The following ARMC3 variants were observed in gnomAD, a reference collection of about 807,000 sequenced individuals.
The protein encoded by ARMC3 is armadillo repeat containing 3.
In ARMC3, 74 loss-of-function variants were observed where a neutral mutation model predicts 90.3. The ratio of observed to expected loss-of-function variants is 0.82; its 90% CI spans 0.68 to 0.99. ARMC3 has a LOEUF of 0.99. ARMC3 is among the 50% of genes least tolerant of loss of function. The pLI, the probability that ARMC3 is intolerant of heterozygous loss-of-function variation, is 0.00. For missense variants in ARMC3, 958 were observed against 1,042.8 expected, an observed-to-expected ratio of 0.92 and a Z score of 1.12; for synonymous variants, 334 against 361.8, an observed-to-expected ratio of 0.92 and a Z score of 0.87.
Position 23,037,985 on chromosome 10 carries a change from C to T in ARMC3, c.*506C>T, listed in dbSNP as rs1359399221. 6.6e-6 allele frequency: 1 copy of T among 152,210 alleles called. No individual in the cohort carries two copies. Among genetic ancestry groups the T allele is most frequent in the Non-Finnish European group, 1.5e-5 (1 of 68,068 alleles). 9.4% of individuals were successfully genotyped at this position (152,210 alleles called of 1,614,324 possible). ...AGATCTGAGTGTTACAAATTCCTTT[C>T]TAAAAATTTTTGTTTCTATTTTTAA... On this transcript the variant is annotated 3_prime_UTR_variant, in exon 19 of 19. Transcript: ENST00000298032.
intron 2 of ARMC3, among the ~76,000 whole-genome samples, chr10:22,940,567 G>A (rs915249528): frequency 1.3e-5 from 2 of 151,720 alleles, no homozygotes; most frequent in African/African-American, 2.4e-5. Context: ...GCTCACTGCA[G>A]CCTTGAACTC....
At chr10:22,978,111 C>T (rs1009981743) in intron 8 of ARMC3, among the ~76,000 whole-genome samples, 2 of 152,166 alleles carry the variant, frequency 1.3e-5, no homozygotes, top group Admixed American at 6.5e-5. Context: ...CCAGATCTAC[C>T]ATATCCACCT....
intron 7 of ARMC3, among the ~76,000 whole-genome samples, chr10:22,965,983 C>A (rs1165248087): frequency 1.3e-5 from 2 of 152,146 alleles, no homozygotes; most frequent in Non-Finnish European, 2.9e-5. Flanking sequence ...TTTTTTCTGA[C>A]TTTGAATCAC....
At chr10:23,025,101 A>C (rs1462646528) in intron 16 of ARMC3, among the ~76,000 whole-genome samples, 1 of 151,464 alleles carries the variant, frequency 6.6e-6, no homozygotes, top group African/African-American at 2.4e-5. Flanking sequence ...TAAATGAAGC[A>C]AAAAAAACCT....
chr10:22,997,496 CTATT>C (rs1308025853), intron 10 of ARMC3: 3 of 152,168 alleles, frequency 2.0e-5, no homozygotes, highest in Admixed American at 6.5e-5. Context: ...CTAAAATTAT[CTATT>C]TATATACATA....
intron 18 of ARMC3, 95 bp downstream of exon 18, chr10:23,033,118 TATTA>T (rs1757851395): frequency 8.4e-7 from 1 of 1,191,400 alleles, no homozygotes; most frequent in Non-Finnish European, 1.2e-6. Context: ...AACTGGATAT[TATTA>T]ATTCTACCAT....
chr10:22,950,385 TATGTGAAGTGGCA>T (rs1834699013), intron 3 of ARMC3, among the ~76,000 whole-genome samples: 1 of 152,140 alleles, frequency 6.6e-6, no homozygotes, highest in South Asian at 2.1e-4. Context: ...TAGGATCTCA[TATGTGAAGTGGCA>T]TAATACCACT....
intron 3 of ARMC3, among the ~76,000 whole-genome samples, chr10:22,949,292 G>A (rs1206933470): frequency 7.2e-5 from 11 of 151,884 alleles, no homozygotes; most frequent in Non-Finnish European, 1.0e-4. Context: ...CAGAAAAAAC[G>A]CATAATAAGA....
At chr10:23,006,588 T>C in intron 13 of ARMC3, 2 of 343,120 alleles carry the variant, frequency 5.8e-6, no homozygotes, top group Non-Finnish European at 5.5e-6. Flanking sequence ...CTTAGGTATA[T>C]AGATGGATTT....
At chr10:23,011,552 A>G (rs1838013561) in intron 16 of ARMC3, among the ~76,000 whole-genome samples, 1 of 152,222 alleles carries the variant, frequency 6.6e-6, no homozygotes, top group African/African-American at 2.4e-5. Context: ...AAAGGAATTC[A>G]GTGCAGGGAT....
At chr10:23,029,248 T>G (rs1305169868) in intron 16 of ARMC3, among the ~76,000 whole-genome samples, 1 of 152,206 alleles carries the variant, frequency 6.6e-6, no homozygotes, top group Non-Finnish European at 1.5e-5. Context: ...GTTACTGGGC[T>G]AAGTTTATTT....
At chr10:22,954,260 C>G (rs973924303) in intron 3 of ARMC3, among the ~76,000 whole-genome samples, 2 of 151,148 alleles carry the variant, frequency 1.3e-5, no homozygotes, top group African/African-American at 4.9e-5. Context: ...ATATACATCC[C>G]TTACTTCTGT....
chr10:23,020,129 G>GTTTTGTTTTGTT (rs1838449562), intron 16 of ARMC3, among the ~76,000 whole-genome samples: 2 of 151,466 alleles, frequency 1.3e-5, no homozygotes, highest in African/African-American at 2.4e-5. Flanking sequence ...GTTTTGTTTT[G>GTTTTGTTTTGTT]TTTTGTTTTG....
At chr10:22,985,241 G>A (rs371596231) in intron 10 of ARMC3, among the ~76,000 whole-genome samples, 1 of 151,950 alleles carries the variant, frequency 6.6e-6, no homozygotes, top group East Asian at 1.9e-4. Context: ...ACTTTGGTGG[G>A]GAAAGTTATG....
intron 2 of ARMC3, among the ~76,000 whole-genome samples, chr10:22,938,499 A>G (rs1195901169): frequency 6.6e-6 from 1 of 152,296 alleles, no homozygotes; most frequent in African/African-American, 2.4e-5. Context: ...AAATTGGAAG[A>G]CCAGCTTGGA....
rs375449942 is a variant in ARMC3 at position 22,981,403 on chromosome 10, C to T, written c.980C>T (p.Ser327Phe). 3.0e-5 allele frequency: 49 copies of T among 1,613,866 alleles called. No homozygotes were observed. The African/African-American group carries it at 5.7e-4, about 19-fold the overall frequency. ...VEKCLVALLG[S>F]ENDGTKIAAS... ...AAGTGCCTTGTAGCCCTTTTGGGTTCTGAAAATGATGGAACTAAAATTGCT... is the reference window on the plus strand; with the variant it reads ...AAGTGCCTTGTAGCCCTTTTGGGTTTTGAAAATGATGGAACTAAAATTGCT... Residue 327 changes from serine to phenylalanine, a missense_variant, in exon 9 of 19, where the codon TCT becomes TTT. Physicochemically the swap from Ser to Phe is radical, Grantham distance 155. Transcript: ENST00000298032.
At chr10:22,945,115 G>A (rs1412478129) in intron 2 of ARMC3, among the ~76,000 whole-genome samples, 6 of 152,160 alleles carry the variant, frequency 3.9e-5, no homozygotes, top group African/African-American at 9.7e-5. Flanking sequence ...TCAGGTCATT[G>A]TTTCTTGCTA....
At chr10:23,027,387 T>C (rs1838750589) in intron 16 of ARMC3, among the ~76,000 whole-genome samples, 1 of 152,218 alleles carries the variant, frequency 6.6e-6, no homozygotes. Flanking sequence ...TTTGGAGCAA[T>C]TGTAAATGCT....
At chr10:22,932,579 G>A (rs749028334) in intron 2 of ARMC3, among the ~76,000 whole-genome samples, 22 of 152,138 alleles carry the variant, frequency 1.4e-4, no homozygotes, top group South Asian at 2.1e-4. Flanking sequence ...TTTAAAAACA[G>A]GATTTTATCT....
Sources: allele counts gnomAD v4.1 joint callset (sites outside exome capture counted in the v4.1 genomes callset), GRCh38; gene constraint gnomAD v4.1.1; transcripts MANE v1.5; gene names NCBI Gene and HGNC (gene_info 2026-07-23, HGNC 2026-07-21).